Variants in STAB1 observed in about 807,000 individuals in gnomAD.
The protein encoded by STAB1 is stabilin 1, also known as stabilin-1.
A neutral mutation model predicts 332.4 loss-of-function variants in STAB1; 250 were observed. That is an observed-to-expected ratio of 0.75 (90% CI 0.68 to 0.84). The LOEUF is 0.84. Among genes scored for constraint, STAB1 ranks in the 40% least tolerant of loss-of-function variants. The pLI, the probability that STAB1 is intolerant of heterozygous loss-of-function variation, is 0.00. For missense variants in STAB1, 3,249 were observed against 3,489.7 expected (o/e 0.93, Z 1.74); for synonymous variants, 1,475 against 1,390.4 (o/e 1.06, Z -1.35).
At position 52,516,538 on chromosome 3, in the gene STAB1, C is replaced by T; in HGVS notation, c.4241-4C>T. On this transcript the variant is annotated splice_region_variant and splice_polypyrimidine_tract_variant and intron_variant, in intron 39 of 68. Coordinates refer to ENST00000321725, the MANE Select transcript of STAB1 (RefSeq NM_015136.3). The stretch of plus-strand genomic sequence containing the variant: ...ATGACCAGAGTCATCCTCCTGCCCC[C>T]CAGAAATCACCAGCCCTCAGTGCCC... The T allele has an allele frequency of 6.2e-7, 1 of 1,613,314 alleles. No homozygotes were observed. The highest frequency in any genetic ancestry group is 1.1e-5 in the South Asian group (1 of 91,074).
intron 50 of STAB1, 104 bp from the exon 51 acceptor site, chr3:52,519,840 G>T: frequency 7.3e-7 from 1 of 1,376,814 alleles, no homozygotes; most frequent in East Asian, 2.5e-5. Context: ...AGATGAGTGT[G>T]GGTGAGTGTG....
In STAB1 at chr3:52,505,950, T is replaced by A; in HGVS notation, c.1749+14T>A. On this transcript the variant is annotated intron_variant, in intron 16 of 68. Transcript: ENST00000321725. ...AACCACGGCCAGGTGCGAGGTCTTT[T>A]TCTGGGGGGCGGCCAGCTTGTACCC... is the stretch of plus-strand genomic sequence containing the variant. 1.2e-6 allele frequency: 2 copies of A among 1,613,324 alleles called. No homozygotes were observed. Among genetic ancestry groups the A allele is most frequent in the Non-Finnish European group, 1.7e-6 (2 of 1,180,002 alleles).
At position 52,520,704 on chromosome 3, in the gene STAB1, G is replaced by A. The variant is rs746277531; in HGVS notation, c.5706+6G>A. On this transcript the variant is annotated splice_donor_region_variant and intron_variant, in intron 54 of 68. Transcript: ENST00000321725. The stretch of plus-strand genomic sequence containing the variant: ...CTGAGGGGTCACAGGAGCAGGTACA[G>A]GGCTAGGGGCTGAGTGGGGGTGGTG... 3 of 1,612,390 alleles carry A rather than the reference G, an allele frequency of 1.9e-6. No homozygotes were observed. In the African/African-American group the frequency reaches 4.0e-5, roughly 22 times the overall value.
chr3:52,523,395 G>T (rs1005548408), intron 64 of STAB1, 32 bp from the exon 65 acceptor site: 1 of 1,609,254 alleles, frequency 6.2e-7, no homozygotes. Flanking sequence ...TCTCCATCTG[G>T]CCCAGGCCAA....
chr3:52,520,351 G>C (rs774354755), intron 52 of STAB1, 49 bp from the exon 53 acceptor site: 12 of 1,612,732 alleles, frequency 7.4e-6, no homozygotes, highest in Non-Finnish European at 6.8e-6. Context: ...GGCAGTAGCA[G>C]CTGGAGTGCA....
At chr3:52,497,485 T>C (rs1708125463) in intron 1 of STAB1, among the ~76,000 whole-genome samples, 1 of 144,794 alleles carries the variant, frequency 6.9e-6, no homozygotes, top group African/African-American at 2.6e-5. Context: ...CTATCTCAGC[T>C]CACTGCAACC....
intron 1 of STAB1, among the ~76,000 whole-genome samples, chr3:52,499,955 C>A (rs1217938011): frequency 6.7e-6 from 1 of 148,164 alleles, no homozygotes; most frequent in African/African-American, 2.5e-5. Flanking sequence ...TGCCTGTAGT[C>A]CCAGCTACTC....
intron 1 of STAB1, among the ~76,000 whole-genome samples, chr3:52,500,611 C>T (rs980982619): frequency 2.6e-5 from 4 of 152,330 alleles, no homozygotes; most frequent in Admixed American, 2.6e-4. Flanking sequence ...TGGCTGGAGC[C>T]GGCATCGTGC....
intron 30 of STAB1, 55 bp from the exon 31 acceptor site, chr3:52,513,662 C>T: frequency 6.4e-7 from 1 of 1,563,608 alleles, no homozygotes; most frequent in Non-Finnish European, 8.7e-7. Context: ...GGCTGCCCCA[C>T]CTTTAAGGGT....
At chr3:52,503,990 T>C in intron 9 of STAB1, 38 bp from the exon 10 acceptor site, 1 of 1,609,234 alleles carries the variant, frequency 6.2e-7, no homozygotes, top group Non-Finnish European at 8.5e-7. Flanking sequence ...GGGGGGGGCC[T>C]CAGCCTCCGC....
chr3:52,521,991 A>C (rs751621447), intron 58 of STAB1, 40 bp downstream of exon 58: 4 of 1,606,712 alleles, frequency 2.5e-6, no homozygotes, highest in Admixed American at 1.7e-5. Context: ...GGAGGCCCCC[A>C]CTCCCCTGCA....
At chr3:52,512,681 TC>T in intron 28 of STAB1, 38 bp downstream of exon 28, 1 of 1,613,210 alleles carries the variant, frequency 6.2e-7, no homozygotes, top group Non-Finnish European at 8.5e-7. Context: ...AGGGCTCAAA[TC>T]CAGGAGGCCT....
chr3:52,521,275 G>A (rs1428375214), intron 55 of STAB1, 86 bp from the exon 56 acceptor site: 7 of 1,576,730 alleles, frequency 4.4e-6, no homozygotes, highest in Non-Finnish European at 5.2e-6. Flanking sequence ...GTCAGGGACA[G>A]ATGGCAGGGC....
At chr3:52,519,440 G>T (rs138970225) in intron 49 of STAB1, 36 bp downstream of exon 49, 12 of 1,611,838 alleles carry the variant, frequency 7.4e-6, no homozygotes, top group Non-Finnish European at 1.0e-5. Flanking sequence ...TGGAAGACAG[G>T]CAGGTGGGGG....
intron 33 of STAB1, 59 bp from the exon 34 acceptor site, chr3:52,514,306 G>T (rs934917497): frequency 1.3e-6 from 2 of 1,582,648 alleles, no homozygotes; most frequent in African/African-American, 1.3e-5. Context: ...TGGGTGTGGC[G>T]TGCTGTCCAG....
At chr3:52,507,056 G>T (rs1471600457) in intron 18 of STAB1, among the ~76,000 whole-genome samples, 1 of 152,176 alleles carries the variant, frequency 6.6e-6, no homozygotes, top group Non-Finnish European at 1.5e-5. Flanking sequence ...GATTTGTTTT[G>T]TTTTTTGAGG....
In STAB1 at chr3:52,518,744, G is replaced by A. The variant is rs772303979; in HGVS notation, c.4909G>A (p.Ala1637Thr). ...CCAGGATGAGCTGGCCCGGATTCGT[G>A]CGCATCGCCAGCTGGTGTTTCGCTA... ...LSQDELARIR[A>T]HRQLVFRYHV... Residue 1637 changes from alanine to threonine, a missense_variant, in exon 48 of 69, where the codon GCG becomes ACG. Ala to Thr is a moderately conservative substitution (Grantham distance 58). Transcript: ENST00000321725. 2.5e-6 allele frequency: 4 copies of A among 1,612,582 alleles called. No individual in the cohort carries two copies. The highest frequency in any genetic ancestry group is 3.4e-6 in the Non-Finnish European group (4 of 1,179,824).
chr3:52,515,681 G>A (rs1290387547), intron 37 of STAB1, among the ~76,000 whole-genome samples, 175 bp downstream of exon 37: 3 of 152,152 alleles, frequency 2.0e-5, no homozygotes, highest in African/African-American at 7.2e-5. Context: ...GAGGGCTAGT[G>A]TTTGTCCCTG....
rs4234633 is a variant in STAB1, at chr3:52,523,022, C to T, written c.6911-3C>T. 0.43 allele frequency: 674,635 copies of T among 1,577,100 alleles called. 149,373 individuals carry two copies. Among genetic ancestry groups the T allele is most frequent in the Admixed American group, 0.53 (31,127 of 58,468 alleles). On this transcript the variant is annotated splice_region_variant and splice_polypyrimidine_tract_variant and intron_variant, in intron 62 of 68. Coordinates refer to ENST00000321725, the MANE Select transcript of STAB1 (RefSeq NM_015136.3). ...CTGAGCCACTGACCTGCTTTTCCTG[C>T]AGATGTGGCCTGCCGATGCCGAAAT...
Sources: allele counts gnomAD v4.1 joint callset (sites outside exome capture counted in the v4.1 genomes callset), GRCh38; gene constraint gnomAD v4.1.1; transcripts MANE v1.5; gene names NCBI Gene and HGNC (gene_info 2026-07-23, HGNC 2026-07-21).